REEP3: variants seen among roughly 807,000 people sequenced by gnomAD.
The protein encoded by REEP3 is receptor accessory protein 3.
In REEP3, 20 loss-of-function variants were observed where a neutral mutation model predicts 41.3. The observed-to-expected ratio is 0.48, with a 90% CI of 0.34 to 0.70. The LOEUF (loss-of-function observed/expected upper bound fraction) is 0.70. REEP3 is among the 30% of genes least tolerant of loss of function. The probability of loss-of-function intolerance (pLI) is 0.01; values close to 1 mark genes in which losing one functional copy is unlikely to be tolerated. For synonymous variants in REEP3, 104 were observed against 101.8 expected (o/e 1.02, Z -0.13); for missense variants, 271 against 308.8 (o/e 0.88, Z 0.92).
intron 2 of REEP3, among the ~76,000 whole-genome samples, chr10:63,584,368 T>C (rs998258072): frequency 2.7e-5 from 4 of 149,864 alleles, no homozygotes; most frequent in African/African-American, 9.9e-5. Flanking sequence ...TACCCCAAAG[T>C]TGAGGGAGCT....
intron 2 of REEP3, among the ~76,000 whole-genome samples, chr10:63,576,319 C>G (rs564062108): frequency 6.6e-6 from 1 of 152,274 alleles, no homozygotes; most frequent in East Asian, 1.9e-4. Flanking sequence ...AATGTATTGT[C>G]TCACAATTTC....
At chr10:63,596,169 A>G (rs977009765) in intron 3 of REEP3, among the ~76,000 whole-genome samples, 2 of 152,118 alleles carry the variant, frequency 1.3e-5, no homozygotes, top group South Asian at 2.1e-4. Context: ...CTTATTTGCA[A>G]ACGTCACTGT....
intron 5 of REEP3, among the ~76,000 whole-genome samples, chr10:63,601,120 CT>C (rs1391164879): frequency 6.6e-6 from 1 of 151,998 alleles, no homozygotes; most frequent in Non-Finnish European, 1.5e-5. Flanking sequence ...CACCACTATA[CT>C]CCAGCCTGGG....
At chr10:63,548,540 G>A (rs956565273) in intron 1 of REEP3, among the ~76,000 whole-genome samples, 7 of 152,068 alleles carry the variant, frequency 4.6e-5, no homozygotes, top group African/African-American at 1.7e-4. Flanking sequence ...TCAAGTATAG[G>A]GAACTCCTAT....
intron 5 of REEP3, among the ~76,000 whole-genome samples, chr10:63,603,279 C>T (rs1956191002): frequency 2.3e-5 from 3 of 128,180 alleles, no homozygotes; most frequent in Admixed American, 8.8e-5. Flanking sequence ...CGCCACTGCA[C>T]TCCAGCCTGG....
In REEP3 at chr10:63,624,490, G is replaced by C. The variant is rs1956381463; in HGVS notation, c.*3621G>C. The C allele has an allele frequency of 6.6e-6, 1 of 152,052 alleles. No individual in the cohort carries two copies. The highest frequency in any genetic ancestry group is 1.5e-5 in the Non-Finnish European group (1 of 67,962). The allele number at this position is 152,052 out of a possible 1,614,324, so 9.4% of individuals were successfully genotyped here. On this transcript the variant is annotated 3_prime_UTR_variant, in exon 8 of 8. Transcript: ENST00000373758. ...ATTTTTAATAATCTGTTTGTAAAAG[G>C]CTATCTCTAAGCCTAGTATGTGGGT...
chr10:63,566,295 C>T (rs1564480337), intron 1 of REEP3, 43 bp from the exon 2 acceptor site: 5 of 1,123,252 alleles, frequency 4.5e-6, no homozygotes, highest in Admixed American at 2.1e-5. Flanking sequence ...CTGTTTAAAA[C>T]ATTGTTGTGT....
chr10:63,593,063 C>T (rs1956080312), intron 2 of REEP3, among the ~76,000 whole-genome samples: 1 of 152,216 alleles, frequency 6.6e-6, no homozygotes, highest in Non-Finnish European at 1.5e-5. Flanking sequence ...CCTGTAATCC[C>T]AGCACTTCGG....
chr10:63,594,193 C>T (rs964300585), intron 2 of REEP3, among the ~76,000 whole-genome samples: 1 of 144,122 alleles, frequency 6.9e-6, no homozygotes, highest in Admixed American at 7.2e-5. Context: ...AGCAGGGCAA[C>T]ATGGCAAAAC....
At chr10:63,585,697 T>G (rs539278365) in intron 2 of REEP3, among the ~76,000 whole-genome samples, 1 of 152,324 alleles carries the variant, frequency 6.6e-6, no homozygotes, top group South Asian at 2.1e-4. Context: ...CATTTAACTT[T>G]ATCATTGCTA....
chr10:63,531,720 C>T (rs186828851), intron 1 of REEP3, among the ~76,000 whole-genome samples: 1 of 152,000 alleles, frequency 6.6e-6, no homozygotes, highest in Non-Finnish European at 1.5e-5. Flanking sequence ...TGATCCTTTA[C>T]GAGATATAGT....
At chr10:63,617,815 T>A (rs1308186127) in intron 6 of REEP3, among the ~76,000 whole-genome samples, 1 of 70,506 alleles carries the variant, frequency 1.4e-5, no homozygotes, top group Non-Finnish European at 3.0e-5. Context: ...TTCTACTCTT[T>A]TTTTTTTTTT....
At chr10:63,573,869 A>G (rs776068887) in intron 2 of REEP3, among the ~76,000 whole-genome samples, 18 of 152,208 alleles carry the variant, frequency 1.2e-4, no homozygotes, top group Non-Finnish European at 1.5e-5. Context: ...TTAATAATTT[A>G]GAAAGTTTAA....
rs1956383858 is a variant in REEP3 at position 63,624,766 on chromosome 10, T to C, written c.*3897T>C. On this transcript the variant is annotated 3_prime_UTR_variant, in exon 8 of 8. Transcript: ENST00000373758. ...GAAAAAGAAATACTGAATTGTTAAA[T>C]TTGGATGTTAGAAAGGAAAGATAGG... 6.6e-6 allele frequency: 1 copy of C among 152,096 alleles called. No individual in the cohort carries two copies. The highest frequency in any genetic ancestry group is 2.1e-4 in the South Asian group (1 of 4,828). 9.4% of individuals were successfully genotyped at this position (152,096 alleles called of 1,614,324 possible). A position where few individuals can be genotyped will look rare whatever the true frequency, so the allele number is the denominator to read the frequency against.
chr10:63,613,642 C>A (rs141392197), intron 6 of REEP3, among the ~76,000 whole-genome samples: 2 of 152,088 alleles, frequency 1.3e-5, no homozygotes, highest in Admixed American at 6.5e-5. Context: ...AATAGATTGT[C>A]TAGATAGACA....
chr10:63,547,073 C>T lies in REEP3; in HGVS notation c.33-19265C>T, dbSNP rs186061737. 6.0e-3 allele frequency among the ~76,000 whole-genome samples: 919 copies of T among 152,224 alleles called. 3 individuals carry two copies. The highest frequency in any genetic ancestry group is 0.011 in the Admixed American group (164 of 15,292). Reference sequence around the variant, plus strand: ...AGTAGCTGGGATTACAGGCGCCCGCCACCATGCCCAGCTAATTTTTGTATT... The same window carrying T: ...AGTAGCTGGGATTACAGGCGCCCGCTACCATGCCCAGCTAATTTTTGTATT... On this transcript the variant is annotated intron_variant, in intron 1 of 7. Coordinates refer to ENST00000373758, the MANE Select transcript of REEP3 (RefSeq NM_001001330.3).
At chr10:63,557,767 G>A (rs891842501) in intron 1 of REEP3, among the ~76,000 whole-genome samples, 9 of 152,138 alleles carry the variant, frequency 5.9e-5, no homozygotes, top group African/African-American at 2.2e-4. Flanking sequence ...TAACAGAATT[G>A]AGACTAGAAA....
intron 1 of REEP3, among the ~76,000 whole-genome samples, chr10:63,547,111 G>A (rs981229256): frequency 2.0e-5 from 3 of 151,782 alleles, no homozygotes; most frequent in Admixed American, 6.6e-5. Flanking sequence ...TAGTAGAGGC[G>A]GGGTTTCACC....
chr10:63,582,458 C>G (rs1464435658), intron 2 of REEP3, among the ~76,000 whole-genome samples: 1 of 152,214 alleles, frequency 6.6e-6, no homozygotes, highest in Non-Finnish European at 1.5e-5. Flanking sequence ...TTGTGGCACT[C>G]AGGCAACCCT....
Sources: allele counts gnomAD v4.1 joint callset (sites outside exome capture counted in the v4.1 genomes callset), GRCh38; gene constraint gnomAD v4.1.1; transcripts MANE v1.5; gene names NCBI Gene and HGNC (gene_info 2026-07-23, HGNC 2026-07-21).